The following EYS variants were observed in gnomAD, a reference collection of about 807,000 sequenced individuals.
EYS encodes the protein protein eyes shut homolog.
In EYS, 250 loss-of-function variants were observed where a neutral mutation model predicts 282.1. The ratio of observed to expected loss-of-function variants is 0.89; its 90% confidence interval spans 0.80 to 0.98. The LOEUF is 0.98. Ranked by LOEUF, EYS falls within the 50% of genes least tolerant of loss-of-function variation. The probability of loss-of-function intolerance (pLI) is 0.00; values close to 1 mark genes in which losing one functional copy is unlikely to be tolerated. For missense variants in EYS, 4,016 were observed against 3,709.0 expected (o/e 1.08, Z -2.15); for synonymous variants, 1,355 against 1,282.9 (o/e 1.06, Z -1.20).
chr6:64,325,155 A>T (rs7762271), intron 29 of EYS, among the ~76,000 whole-genome samples: 414 of 152,328 alleles, frequency 2.7e-3, no homozygotes, highest in Non-Finnish European at 4.7e-3. Flanking sequence ...AGACCCTCTG[A>T]AGGAAGTGGA....
At chr6:65,655,207 G>A (rs996342827) in intron 1 of EYS, among the ~76,000 whole-genome samples, 3 of 151,430 alleles carry the variant, frequency 2.0e-5, no homozygotes, top group African/African-American at 7.3e-5. Flanking sequence ...ATAATTTATA[G>A]AGAATTCTCA....
intron 2 of EYS, among the ~76,000 whole-genome samples, chr6:65,626,454 T>G (rs975950418): frequency 6.6e-6 from 1 of 152,204 alleles, no homozygotes; most frequent in Admixed American, 6.5e-5. Flanking sequence ...GCCTAGATGA[T>G]GTACTGTGGA....
At chr6:64,616,150 G>A (rs193175313) in intron 24 of EYS, among the ~76,000 whole-genome samples, 1 of 151,946 alleles carries the variant, frequency 6.6e-6, no homozygotes, top group Non-Finnish European at 1.5e-5. Context: ...AGATTCCTAC[G>A]TATCTAAGGC....
At chr6:64,634,687 G>C (rs1680249402) in intron 22 of EYS, among the ~76,000 whole-genome samples, 1 of 152,134 alleles carries the variant, frequency 6.6e-6, no homozygotes, top group South Asian at 2.1e-4. Context: ...GCCATGTGAG[G>C]ATCCCCAACC....
chr6:65,675,620 C>G (rs1768558219), intron 1 of EYS, among the ~76,000 whole-genome samples: 1 of 151,784 alleles, frequency 6.6e-6, no homozygotes, highest in Admixed American at 6.6e-5. Flanking sequence ...ATAGGCAGAA[C>G]TGGAGTGAGA....
At chr6:64,580,654 G>A (rs560067891) in intron 26 of EYS, among the ~76,000 whole-genome samples, 12 of 152,106 alleles carry the variant, frequency 7.9e-5, no homozygotes, top group Non-Finnish European at 1.6e-4. Flanking sequence ...AATAACTCTT[G>A]TAAATTTTAA....
chr6:64,528,867 A>T (rs1349469278), intron 26 of EYS, among the ~76,000 whole-genome samples: 1 of 152,008 alleles, frequency 6.6e-6, no homozygotes, highest in Non-Finnish European at 1.5e-5. Context: ...ACGCTGCTTT[A>T]TCAAATCTGT....
At chr6:64,855,705 T>C (rs773367480) in intron 19 of EYS, among the ~76,000 whole-genome samples, 5 of 152,168 alleles carry the variant, frequency 3.3e-5, no homozygotes, top group Non-Finnish European at 7.3e-5. Context: ...AATTGCATGA[T>C]GTCATGTATC....
At chr6:65,045,642 C>T (rs1033250140) in intron 13 of EYS, among the ~76,000 whole-genome samples, 4 of 151,810 alleles carry the variant, frequency 2.6e-5, no homozygotes, top group Admixed American at 2.0e-4. Context: ...GACACCAAAA[C>T]TGTTTGTGCC....
intron 12 of EYS, among the ~76,000 whole-genome samples, chr6:65,263,424 C>G (rs142865266): frequency 6.6e-6 from 1 of 151,912 alleles, no homozygotes; most frequent in East Asian, 1.9e-4. Context: ...GAAATCCTCA[C>G]CAAAATTCAG....
chr6:65,660,628 C>A (rs1044551606), intron 1 of EYS, among the ~76,000 whole-genome samples: 2 of 151,736 alleles, frequency 1.3e-5, no homozygotes, highest in African/African-American at 2.4e-5. Context: ...TGTATACTCA[C>A]ACAAACACAC....
chr6:65,453,976 G>T (rs1008068173), intron 5 of EYS, among the ~76,000 whole-genome samples: 2 of 151,610 alleles, frequency 1.3e-5, no homozygotes, highest in Non-Finnish European at 2.9e-5. Flanking sequence ...TATAAATTGT[G>T]CTGTAATAAG....
At chr6:65,126,959 T>G (rs570939267) in intron 12 of EYS, among the ~76,000 whole-genome samples, 8 of 152,208 alleles carry the variant, frequency 5.3e-5, no homozygotes, top group African/African-American at 1.9e-4. Flanking sequence ...TGAATTGTGA[T>G]CCATCACTCT....
intron 31 of EYS, among the ~76,000 whole-genome samples, chr6:64,202,449 A>AT (rs1035503412): frequency 2.0e-5 from 3 of 152,170 alleles, no homozygotes; most frequent in East Asian, 1.9e-4. Context: ...AGAAACAATT[A>AT]TTTTTTACTT....
intron 5 of EYS, among the ~76,000 whole-genome samples, chr6:65,445,892 T>C (rs1768634784): frequency 1.3e-5 from 2 of 151,836 alleles, no homozygotes; most frequent in South Asian, 4.1e-4. Flanking sequence ...TTATGATATA[T>C]AATTTTCCAC....
chr6:65,278,851 T>C (rs886640493), intron 12 of EYS, among the ~76,000 whole-genome samples: 7 of 152,138 alleles, frequency 4.6e-5, no homozygotes, highest in African/African-American at 1.4e-4. Context: ...GATTAACTCT[T>C]GGTCAGTCAT....
intron 13 of EYS, among the ~76,000 whole-genome samples, chr6:65,013,540 C>T (rs537655459): frequency 6.6e-6 from 1 of 152,258 alleles, no homozygotes; most frequent in African/African-American, 2.4e-5. Flanking sequence ...TTTCCAAGAT[C>T]CCCACCACTA....
At chr6:65,452,217 T>C (rs757640494) in intron 5 of EYS, among the ~76,000 whole-genome samples, 28 of 151,958 alleles carry the variant, frequency 1.8e-4, no homozygotes, top group African/African-American at 5.8e-4. Flanking sequence ...ATAGTAAGAT[T>C]ATCAGCCTAA....
chr6:65,428,529 A>T (rs1234951401), intron 5 of EYS, among the ~76,000 whole-genome samples: 1 of 151,444 alleles, frequency 6.6e-6, no homozygotes, highest in Non-Finnish European at 1.5e-5. Context: ...AGCAATATTG[A>T]GGTTAAGTAA....
Sources: allele counts gnomAD v4.1 joint callset (sites outside exome capture counted in the v4.1 genomes callset), GRCh38; gene constraint gnomAD v4.1.1; transcripts MANE v1.5; gene names NCBI Gene and HGNC (gene_info 2026-07-23, HGNC 2026-07-21).